Variants in PDE8A observed in about 807,000 individuals in gnomAD.
The protein encoded by PDE8A is phosphodiesterase 8A.
Under a neutral mutation model 105.0 loss-of-function variants are expected in PDE8A, and 59 were observed. The observed-to-expected ratio is 0.56, with a 90% confidence interval of 0.46 to 0.70. The LOEUF (loss-of-function observed/expected upper bound fraction) is 0.70, where lower values mean the gene tolerates loss of function less well. PDE8A is among the 30% of genes least tolerant of loss of function. The pLI is 0.00. For synonymous variants in PDE8A, 355 were observed against 371.9 expected (o/e 0.95, Z 0.52); for missense variants, 1,014 against 1,045.9 (o/e 0.97, Z 0.42).
intron 1 of PDE8A, among the ~76,000 whole-genome samples, chr15:84,992,075 T>C (rs905583361): frequency 6.6e-6 from 1 of 152,064 alleles, no homozygotes; most frequent in Non-Finnish European, 1.5e-5. Flanking sequence ...GCAAATAAAG[T>C]TTATTTTAAG....
intron 1 of PDE8A, among the ~76,000 whole-genome samples, chr15:84,984,400 T>G (rs1309722881): frequency 6.6e-6 from 1 of 152,234 alleles, no homozygotes; most frequent in Admixed American, 6.5e-5. Context: ...CTCTGGAAAT[T>G]CATGTTAGAG....
intron 1 of PDE8A, among the ~76,000 whole-genome samples, chr15:85,003,329 A>T (rs745685622): frequency 3.3e-5 from 5 of 152,160 alleles, no homozygotes; most frequent in Non-Finnish European, 7.3e-5. Context: ...ACATTTTATA[A>T]CTTCATCAGT....
At chr15:85,020,985 C>T (rs2080416585) in intron 1 of PDE8A, among the ~76,000 whole-genome samples, 3 of 152,098 alleles carry the variant, frequency 2.0e-5, no homozygotes, top group African/African-American at 4.8e-5. Context: ...TCTCAATGTT[C>T]GTATTCTCCC....
At chr15:85,039,046 G>A (rs1379959293) in intron 1 of PDE8A, among the ~76,000 whole-genome samples, 2 of 151,854 alleles carry the variant, frequency 1.3e-5, no homozygotes, top group African/African-American at 4.8e-5. Flanking sequence ...GCTTGAACTC[G>A]GGAGGCAGAG....
At chr15:85,059,454 C>A (rs1213375969) in intron 1 of PDE8A, among the ~76,000 whole-genome samples, 3 of 152,176 alleles carry the variant, frequency 2.0e-5, no homozygotes, top group Non-Finnish European at 4.4e-5. Context: ...AATTTTAGAA[C>A]TGTCTCTTCC....
chr15:85,054,178 A>G lies in PDE8A; in HGVS notation c.187-10192A>G, dbSNP rs557352048. On this transcript the variant is annotated intron_variant, in intron 1 of 21. Coordinates refer to ENST00000394553, the MANE Select transcript of PDE8A (RefSeq NM_002605.3). The stretch of plus-strand genomic sequence containing the variant: ...TCCCAGAGATGAAGCCAACTTGATC[A>G]TGGTAGATAAGCTTTTTGATGTGCT... Among the ~76,000 whole-genome samples, 300 of 152,180 alleles carry G rather than the reference A, an allele frequency of 2.0e-3. 3 individuals carry two copies. Among genetic ancestry groups the G allele is most frequent in the African/African-American group, 6.8e-3 (283 of 41,508 alleles).
At chr15:84,982,388 G>A (rs1330167191) in intron 1 of PDE8A, 40 bp downstream of exon 1, 1 of 1,265,824 alleles carries the variant, frequency 7.9e-7, no homozygotes. Context: ...CGCGAAACTC[G>A]GGCCCGGCCA....
intron 11 of PDE8A, among the ~76,000 whole-genome samples, chr15:85,104,371 C>T (rs1210919439): frequency 6.6e-6 from 1 of 152,060 alleles, no homozygotes; most frequent in Non-Finnish European, 1.5e-5. Flanking sequence ...AAAGGCATCG[C>T]GAAGCGAGGC....
chr15:85,119,983 G>T (rs182754447), intron 17 of PDE8A, among the ~76,000 whole-genome samples: 1 of 152,074 alleles, frequency 6.6e-6, no homozygotes, highest in African/African-American at 2.4e-5. Flanking sequence ...AAGAAAATAG[G>T]TGAAGTTCTA....
rs118000811 is a variant in PDE8A, at chr15:85,030,406, G to A, written c.187-33964G>A. On this transcript the variant is annotated intron_variant, in intron 1 of 21. Transcript: ENST00000394553. ...AGTTTCCTTTTCCTGTGAGAAGTGA[G>A]AATTAGTCACTCACTTCCAGTGCTA... is the stretch of plus-strand genomic sequence containing the variant. Among the ~76,000 whole-genome samples the A allele has an allele frequency of 2.3e-4, 35 of 152,174 alleles. No homozygotes were observed. In the East Asian group the frequency reaches 6.6e-3, roughly 29 times the overall value.
At chr15:85,016,060 C>T (rs575420298) in intron 1 of PDE8A, among the ~76,000 whole-genome samples, 15 of 152,166 alleles carry the variant, frequency 9.9e-5, no homozygotes, top group Admixed American at 5.9e-4. Flanking sequence ...CACTTGAACC[C>T]GGGAAGTGGA....
At chr15:85,128,157 CATACCAGAAT>C (rs1402230507) in intron 20 of PDE8A, among the ~76,000 whole-genome samples, 2 of 149,574 alleles carry the variant, frequency 1.3e-5, no homozygotes, top group African/African-American at 2.5e-5. Context: ...TAGAGAGAAA[CATACCAGAAT>C]ATCCTCAATG....
intron 8 of PDE8A, among the ~76,000 whole-genome samples, chr15:85,093,531 G>C (rs958967422): frequency 2.6e-5 from 4 of 151,928 alleles, no homozygotes; most frequent in Non-Finnish European, 5.9e-5. Context: ...TGGGACCTTG[G>C]AGTGTCAGAT....
chr15:85,056,224 C>T (rs1311790904), intron 1 of PDE8A, among the ~76,000 whole-genome samples: 2 of 152,174 alleles, frequency 1.3e-5, no homozygotes, highest in Non-Finnish European at 2.9e-5. Context: ...CGACCTTTCT[C>T]TCTGGCTGCC....
intron 11 of PDE8A, among the ~76,000 whole-genome samples, chr15:85,105,187 C>T (rs1440734067): frequency 6.6e-6 from 1 of 151,738 alleles, no homozygotes; most frequent in African/African-American, 2.4e-5. Flanking sequence ...AGGGTTGGGG[C>T]CATTGTTAGA....
At chr15:85,071,325 G>A (rs1005026411) in intron 3 of PDE8A, among the ~76,000 whole-genome samples, 1 of 152,198 alleles carries the variant, frequency 6.6e-6, no homozygotes, top group Non-Finnish European at 1.5e-5. Flanking sequence ...GAGCAGCAAG[G>A]CTTTATGAGC....
chr15:85,014,374 T>G (rs2080289765), intron 1 of PDE8A, among the ~76,000 whole-genome samples: 1 of 152,184 alleles, frequency 6.6e-6, no homozygotes, highest in African/African-American at 2.4e-5. Context: ...ATTCTAATTC[T>G]CTCATTACTT....
chr15:85,100,321 C>A (rs1163259433), intron 11 of PDE8A, 123 bp downstream of exon 11: 2 of 795,250 alleles, frequency 2.5e-6, no homozygotes, highest in Non-Finnish European at 4.1e-6. Flanking sequence ...GGCAACATTT[C>A]TCTCCTTGAC....
At position 85,138,865 on chromosome 15, in the gene PDE8A, T is replaced by C. The variant is rs1049824692; in HGVS notation, c.*962T>C. 2 of 152,228 alleles carry C rather than the reference T, an allele frequency of 1.3e-5. No individual in the cohort carries two copies. Among genetic ancestry groups the C allele is most frequent in the African/African-American group, 4.8e-5 (2 of 41,456 alleles). 9.4% of individuals were successfully genotyped at this position (152,228 alleles called of 1,614,324 possible). On this transcript the variant is annotated 3_prime_UTR_variant, in exon 22 of 22. Coordinates refer to ENST00000394553, the MANE Select transcript of PDE8A (RefSeq NM_002605.3). ...ATTCAATTTCCAAAAGTCTACTCTATTTTATACTGTTTCTACAAAATATTC... is the reference window on the plus strand; with the variant it reads ...ATTCAATTTCCAAAAGTCTACTCTACTTTATACTGTTTCTACAAAATATTC...
Sources: allele counts gnomAD v4.1 joint callset (sites outside exome capture counted in the v4.1 genomes callset), GRCh38; gene constraint gnomAD v4.1.1; transcripts MANE v1.5; gene names NCBI Gene and HGNC (gene_info 2026-07-23, HGNC 2026-07-21).